TTLL11: variants seen among roughly 807,000 people sequenced by gnomAD.
TTLL11 encodes tubulin tyrosine ligase like 11, also known as tubulin polyglutamylase TTLL11.
A neutral mutation model predicts 51.7 loss-of-function variants in TTLL11; 42 were observed. That is an observed-to-expected ratio of 0.81 (90% CI 0.64 to 1.05). The LOEUF (loss-of-function observed/expected upper bound fraction) is 1.05, where lower values mean the gene tolerates loss of function less well. Ranked by LOEUF, TTLL11 falls within the 50% of genes least tolerant of loss-of-function variation. The pLI is 0.00. For missense variants in TTLL11, 799 were observed against 940.4 expected (o/e 0.85, Z 1.97); for synonymous variants, 381 against 383.5 (o/e 0.99, Z 0.08).
chr9:121,850,903 T>C (rs1181367730), intron 8 of TTLL11, among the ~76,000 whole-genome samples: 2 of 152,214 alleles, frequency 1.3e-5, no homozygotes, highest in Non-Finnish European at 2.9e-5. Flanking sequence ...ATGTTTATAG[T>C]AGCTTTAATT....
intron 6 of TTLL11, among the ~76,000 whole-genome samples, chr9:121,920,509 G>C (rs80057321): frequency 6.6e-6 from 1 of 152,068 alleles, no homozygotes; most frequent in African/African-American, 2.4e-5. Context: ...GCAAATCATC[G>C]GGAAGCAAAT....
At chr9:121,903,970 A>T (rs1037678830) in intron 6 of TTLL11, among the ~76,000 whole-genome samples, 1 of 152,200 alleles carries the variant, frequency 6.6e-6, no homozygotes, top group African/African-American at 2.4e-5. Flanking sequence ...AGGGATACCA[A>T]ATACAACGTG....
chr9:122,074,277 T>TA (rs201390866), intron 1 of TTLL11, among the ~76,000 whole-genome samples: 6,153 of 133,502 alleles, frequency 0.046, 146 homozygotes, highest in African/African-American at 0.069. Flanking sequence ...TCATCTCAAT[T>TA]AAAAAAAAAA....
At chr9:122,032,066 G>A (rs772654730) in intron 2 of TTLL11, among the ~76,000 whole-genome samples, 21 of 152,196 alleles carry the variant, frequency 1.4e-4, no homozygotes, top group Non-Finnish European at 2.8e-4. Context: ...ACGGACGGGT[G>A]TTCTTTTCTC....
At chr9:122,019,969 G>A (rs907244677) in intron 3 of TTLL11, among the ~76,000 whole-genome samples, 4 of 151,982 alleles carry the variant, frequency 2.6e-5, no homozygotes, top group East Asian at 1.9e-4. Flanking sequence ...TGTGCCTTTC[G>A]CCTTCTGCCA....
intron 6 of TTLL11, among the ~76,000 whole-genome samples, chr9:121,924,704 GA>G (rs375808071): frequency 2.2e-5 from 3 of 134,604 alleles, no homozygotes; most frequent in Admixed American, 7.5e-5. Context: ...AAAGAGGAAA[GA>G]AAAAAAAAAC....
intron 6 of TTLL11, among the ~76,000 whole-genome samples, chr9:121,882,937 T>A (rs1194097814): frequency 6.6e-6 from 1 of 152,196 alleles, no homozygotes; most frequent in East Asian, 1.9e-4. Flanking sequence ...AGAAATAGAA[T>A]CCATTTTTGT....
intron 3 of TTLL11, among the ~76,000 whole-genome samples, chr9:121,996,757 A>G (rs1843280362): frequency 6.6e-6 from 1 of 152,276 alleles, no homozygotes; most frequent in Admixed American, 6.5e-5. Flanking sequence ...AAACCTTGGA[A>G]TAAGTACTCT....
At chr9:121,907,699 T>C (rs1385383006) in intron 6 of TTLL11, among the ~76,000 whole-genome samples, 2 of 152,180 alleles carry the variant, frequency 1.3e-5, no homozygotes, top group African/African-American at 4.8e-5. Flanking sequence ...GTAGCAACCT[T>C]CCAAGGGCAA....
intron 6 of TTLL11, among the ~76,000 whole-genome samples, chr9:121,923,647 G>T (rs962375468): frequency 4.7e-5 from 6 of 128,756 alleles, no homozygotes; most frequent in Non-Finnish European, 7.1e-5. Flanking sequence ...TTGGGGTTTG[G>T]TAAGAGTAAG....
chr9:122,047,666 T>A (rs1285413400), intron 1 of TTLL11, among the ~76,000 whole-genome samples: 1 of 152,122 alleles, frequency 6.6e-6, no homozygotes, highest in Admixed American at 6.5e-5. Flanking sequence ...AAGATGAACA[T>A]TAAAAACTGC....
chr9:121,826,805 G>C (rs191125357), intron 8 of TTLL11, among the ~76,000 whole-genome samples: 3 of 151,940 alleles, frequency 2.0e-5, no homozygotes, highest in Non-Finnish European at 4.4e-5. Context: ...AAGTGGGCAT[G>C]ACAGTGGGGC....
chr9:122,011,205 C>T (rs550994145), intron 3 of TTLL11, among the ~76,000 whole-genome samples: 5 of 152,140 alleles, frequency 3.3e-5, no homozygotes, highest in South Asian at 2.1e-4. Context: ...CCTTCCGCCA[C>T]GATTGTGAGG....
Position 121,961,468 on chromosome 9 carries a change from T to C in TTLL11, c.1481+12541A>G, listed in dbSNP as rs1047066915. Among the ~76,000 whole-genome samples the C allele has an allele frequency of 3.9e-5, 6 of 151,922 alleles. No individual in the cohort carries two copies. In the East Asian group the frequency reaches 1.2e-3, roughly 29 times the overall value. ...GTGGGAATCTCTGCCCTATTTATGG[T>C]GATAAATGCCAGAGCCAAATTTACC... On this transcript the variant is annotated intron_variant, in intron 6 of 8. Coordinates refer to ENST00000321582, the MANE Select transcript of TTLL11 (RefSeq NM_001139442.2).
rs762018542 is a variant in TTLL11, at chr9:121,974,001, G to A, written c.1481+8C>T. The A allele has an allele frequency of 7.7e-5, 119 of 1,548,178 alleles. No homozygotes were observed. The highest frequency in any genetic ancestry group is 9.0e-5 in the Non-Finnish European group (103 of 1,144,078). ...TGATAGAAATGAATGACATAAAAAA[G>A]TACTTACTGATTCTCTCTTTTCTTC... is the stretch of plus-strand genomic sequence containing the variant. On this transcript the variant is annotated splice_region_variant and intron_variant, in intron 6 of 8. Transcript: ENST00000321582.
At chr9:122,055,971 C>A (rs967985842) in intron 1 of TTLL11, among the ~76,000 whole-genome samples, 5 of 152,208 alleles carry the variant, frequency 3.3e-5, no homozygotes, top group African/African-American at 9.6e-5. Context: ...CACTAACTTG[C>A]GGAGCTGCCT....
intron 8 of TTLL11, among the ~76,000 whole-genome samples, chr9:121,839,382 T>C (rs1434473961): frequency 6.6e-6 from 1 of 152,148 alleles, no homozygotes; most frequent in African/African-American, 2.4e-5. Flanking sequence ...CAGACATGCC[T>C]AAGTTCAAAT....
In TTLL11 at chr9:121,989,539, G is replaced by C. The variant is rs972276185; in HGVS notation, c.925C>G (p.Pro309Ala). Residue 309 changes from proline (P) to alanine (A), a missense_variant, in exon 4 of 9, where the codon CCC (proline) becomes GCC (alanine). Transcript: ENST00000321582. This position sits in a 1 kb window ranked among gnomAD's most constrained non-coding sequence, Gnocchi z 4.2. Reference protein sequence around the residue: ...RLYVLLKSLDPLEIYIAKDGL... With the variant: ...RLYVLLKSLDALEIYIAKDGL... ...TCTTTGGCTATATAAATCTCTAAGGGGTCTAAGGACTTGAGTAAGACATAC... is the reference window on the plus strand; with the variant it reads ...TCTTTGGCTATATAAATCTCTAAGGCGTCTAAGGACTTGAGTAAGACATAC... 1 of 1,614,056 alleles carries C rather than the reference G, an allele frequency of 6.2e-7. No individual in the cohort carries two copies. Among genetic ancestry groups the C allele is most frequent in the Admixed American group, 1.7e-5 (1 of 60,006 alleles).
chr9:122,013,848 C>G (rs936467614), intron 3 of TTLL11, among the ~76,000 whole-genome samples: 5 of 152,142 alleles, frequency 3.3e-5, no homozygotes, highest in African/African-American at 1.2e-4. Context: ...CAACTGAAAC[C>G]CTGGCAGCAG....
Sources: gnomAD v4.1 joint callset for allele counts (sites outside exome capture counted in the v4.1 genomes callset) on GRCh38, gnomAD v4.1.1 for gene constraint, Gnocchi (gnomAD v3.1) non-coding constraint, MANE v1.5 for transcripts, NCBI Gene and HGNC (gene_info 2026-07-23, HGNC 2026-07-21) for gene names.